HS6ST3: variants seen among roughly 807,000 people sequenced by gnomAD.
HS6ST3 encodes the protein heparan sulfate 6-O-sulfotransferase 3.
Under a neutral mutation model 36.7 loss-of-function variants are expected in HS6ST3, and 12 were observed. That is an observed-to-expected ratio of 0.33 (90% CI 0.21 to 0.53). HS6ST3 has a LOEUF of 0.53. Ranked by LOEUF, HS6ST3 falls within the 20% of genes least tolerant of loss-of-function variation. HS6ST3 has a pLI of 0.95. For synonymous variants in HS6ST3, 240 were observed against 257.5 expected, an observed-to-expected ratio of 0.93 and a Z score of 0.65; for missense variants, 584 against 640.9, an observed-to-expected ratio of 0.91 and a Z score of 0.96.
chr13:96,246,713 C>G (rs774394984), intron 1 of HS6ST3, among the ~76,000 whole-genome samples: 5 of 152,022 alleles, frequency 3.3e-5, no homozygotes, highest in Non-Finnish European at 7.4e-5. Flanking sequence ...AAGGATTTTT[C>G]AAGATGTTTA....
chr13:96,591,249 A>G (rs192236682), intron 1 of HS6ST3, among the ~76,000 whole-genome samples: 5 of 152,092 alleles, frequency 3.3e-5, no homozygotes, highest in East Asian at 1.9e-4. Flanking sequence ...TGGTATTTTT[A>G]TAGGAATTTC....
chr13:96,215,923 T>A (rs573745774), intron 1 of HS6ST3, among the ~76,000 whole-genome samples: 1 of 152,312 alleles, frequency 6.6e-6, no homozygotes, highest in South Asian at 2.1e-4. Flanking sequence ...TTACTACTCT[T>A]GACAATTGGT....
At position 96,545,364 on chromosome 13, in the gene HS6ST3, A is replaced by T. The variant is rs527920806; in HGVS notation, c.708-287126A>T. Among the ~76,000 whole-genome samples the T allele has an allele frequency of 3.9e-5, 6 of 152,324 alleles. No homozygotes were observed. In the South Asian group the frequency reaches 1.2e-3, roughly 32 times the overall value. ...AAGAGAAATTAAATGACATCCTTCTATGACCAACACTGGCATATTTGCTAT... is the reference window on the plus strand; with the variant it reads ...AAGAGAAATTAAATGACATCCTTCTTTGACCAACACTGGCATATTTGCTAT... On this transcript the variant is annotated intron_variant, in intron 1 of 1. Transcript: ENST00000376705.
At chr13:96,665,952 A>G (rs899688683) in intron 1 of HS6ST3, among the ~76,000 whole-genome samples, 4 of 152,156 alleles carry the variant, frequency 2.6e-5, no homozygotes, top group Non-Finnish European at 4.4e-5. Context: ...TGAGTAAACT[A>G]TGTTACCATG....
chr13:96,191,799 C>A (rs1169980295), intron 1 of HS6ST3, among the ~76,000 whole-genome samples: 2 of 152,100 alleles, frequency 1.3e-5, no homozygotes, highest in Non-Finnish European at 2.9e-5. Context: ...GAAAGAGGAT[C>A]TTTTTCTCTA....
chr13:96,738,904 T>A (rs1323762636), intron 1 of HS6ST3, among the ~76,000 whole-genome samples: 2 of 152,120 alleles, frequency 1.3e-5, no homozygotes, highest in Non-Finnish European at 2.9e-5. Flanking sequence ...ATATTTAACT[T>A]CTCTAGTTTC....
chr13:96,113,734 C>T (rs116761170), intron 1 of HS6ST3, among the ~76,000 whole-genome samples: 71 of 152,116 alleles, frequency 4.7e-4, no homozygotes, highest in African/African-American at 1.7e-3. Context: ...AAAACCTGCC[C>T]ATGGATGTTT....
intron 1 of HS6ST3, among the ~76,000 whole-genome samples, chr13:96,683,143 G>A (rs2056723984): frequency 6.6e-6 from 1 of 152,034 alleles, no homozygotes; most frequent in Non-Finnish European, 1.5e-5. Context: ...AGAGATGGGA[G>A]TGTATAATAT....
chr13:96,392,460 A>G (rs1250382722), intron 1 of HS6ST3, among the ~76,000 whole-genome samples: 1 of 152,196 alleles, frequency 6.6e-6, no homozygotes, highest in Admixed American at 6.6e-5. Context: ...CAGCACATGA[A>G]AAAGAGAACA....
chr13:96,437,022 G>A (rs993856410), intron 1 of HS6ST3, among the ~76,000 whole-genome samples: 1 of 151,958 alleles, frequency 6.6e-6, no homozygotes, highest in Admixed American at 6.6e-5. Context: ...AATTCAATGG[G>A]GGAGCATATT....
chr13:96,629,126 C>A (rs748449524), intron 1 of HS6ST3, among the ~76,000 whole-genome samples: 19 of 152,120 alleles, frequency 1.2e-4, no homozygotes, highest in Non-Finnish European at 2.5e-4. Flanking sequence ...TGCTAAAATG[C>A]ATAATTAGCA....
intron 1 of HS6ST3, among the ~76,000 whole-genome samples, chr13:96,418,792 C>T (rs1356950527): frequency 6.6e-6 from 1 of 152,210 alleles, no homozygotes; most frequent in East Asian, 1.9e-4. Context: ...CAGGGCCACG[C>T]TCTCTGTTTT....
At chr13:96,339,328 G>C (rs2055118464) in intron 1 of HS6ST3, among the ~76,000 whole-genome samples, 4 of 152,150 alleles carry the variant, frequency 2.6e-5, no homozygotes, top group Admixed American at 2.6e-4. Flanking sequence ...TCTCTCTCTA[G>C]AGCAAGCAGA....
chr13:96,736,661 C>T (rs1310199365), intron 1 of HS6ST3, among the ~76,000 whole-genome samples: 1 of 152,006 alleles, frequency 6.6e-6, no homozygotes, highest in Non-Finnish European at 1.5e-5. Context: ...TCTTTACCCC[C>T]AAGAGAATAA....
chr13:96,363,293 T>TTG (rs1334507654), intron 1 of HS6ST3, among the ~76,000 whole-genome samples: 1 of 151,670 alleles, frequency 6.6e-6, no homozygotes, highest in Non-Finnish European at 1.5e-5. Context: ...CCTGTACATT[T>TTG]TTTTTTTTTT....
chr13:96,811,700 A>G (rs1010832283), intron 1 of HS6ST3, among the ~76,000 whole-genome samples: 1 of 152,198 alleles, frequency 6.6e-6, no homozygotes, highest in Non-Finnish European at 1.5e-5. Flanking sequence ...ATAATAAATA[A>G]CCATTTGTAC....
chr13:96,758,391 A>G (rs528772032), intron 1 of HS6ST3, among the ~76,000 whole-genome samples: 2 of 151,764 alleles, frequency 1.3e-5, no homozygotes, highest in Admixed American at 6.6e-5. Context: ...ACTTAATTCC[A>G]TCTGTTGATC....
chr13:96,574,205 C>T, intron 1 of HS6ST3: 1 of 505,690 alleles, frequency 2.0e-6, no homozygotes, highest in Non-Finnish European at 4.0e-6. Flanking sequence ...CTCTGTCTCC[C>T]TCCATACTAA....
At chr13:96,683,099 A>G (rs929436525) in intron 1 of HS6ST3, among the ~76,000 whole-genome samples, 1 of 152,104 alleles carries the variant, frequency 6.6e-6, no homozygotes, top group Non-Finnish European at 1.5e-5. Context: ...TATTTAAAGT[A>G]TCTGCTTATC....
Sources: gnomAD v4.1 joint callset for allele counts (sites outside exome capture counted in the v4.1 genomes callset) on GRCh38, gnomAD v4.1.1 for gene constraint, MANE v1.5 for transcripts, NCBI Gene and HGNC (gene_info 2026-07-23, HGNC 2026-07-21) for gene names.